Variants in SSC5D observed in about 807,000 individuals in gnomAD.
SSC5D encodes the protein scavenger receptor cysteine rich family member with 5 domains.
A neutral mutation model predicts 104.6 loss-of-function variants in SSC5D; 106 were observed. That is an observed-to-expected ratio of 1.01 (90% CI 0.87 to 1.19). SSC5D has a LOEUF of 1.19. SSC5D is among the 50% of genes most tolerant of loss of function. The probability of loss-of-function intolerance (pLI) is 0.00; values close to 1 mark genes in which losing one functional copy is unlikely to be tolerated. For synonymous variants in SSC5D, 860 were observed against 883.5 expected (o/e 0.97, Z 0.47); for missense variants, 1,993 against 2,153.8 (o/e 0.93, Z 1.48).
At chr19:55,490,431 C>T (rs1440228840) in intron 5 of SSC5D, 23 bp downstream of exon 5, 13 of 606,878 alleles carry the variant, frequency 2.1e-5, no homozygotes, top group East Asian at 3.3e-5. Flanking sequence ...CAGGCTCCCC[C>T]GACCCCAAGG....
At chr19:55,493,994 G>GGGCCCC in intron 7 of SSC5D, 82 bp downstream of exon 7, 1 of 143,310 alleles carries the variant, frequency 7.0e-6, no homozygotes, top group African/African-American at 3.3e-5. Flanking sequence ...GGGCGGGGGG[G>GGGCCCC]TCCCTACGCG....
At chr19:55,510,001 T>C (rs114798142) in intron 12 of SSC5D, among the ~76,000 whole-genome samples, 452 of 152,152 alleles carry the variant, frequency 3.0e-3, no homozygotes, top group African/African-American at 0.011. Flanking sequence ...TGTGTTCTTT[T>C]TTTTTTGTTT....
intron 13 of SSC5D, among the ~76,000 whole-genome samples, chr19:55,514,985 T>G (rs1329390695): frequency 6.6e-6 from 1 of 152,176 alleles, no homozygotes; most frequent in Non-Finnish European, 1.5e-5. Flanking sequence ...ACAAGCCCTT[T>G]ACTTAACCGC....
intron 12 of SSC5D, among the ~76,000 whole-genome samples, chr19:55,507,665 C>CAAAAAAAAAAAAAA (rs61340967): frequency 1.3e-5 from 1 of 75,944 alleles, no homozygotes; most frequent in Non-Finnish European, 2.2e-5. Flanking sequence ...GACTCCGTCT[C>CAAAAAAAAAAAAAA]AAAAAAAAAA....
intron 4 of SSC5D, 108 bp downstream of exon 4, chr19:55,490,103 C>CG (rs1457861450): frequency 4.5e-6 from 2 of 443,784 alleles, no homozygotes; most frequent in African/African-American, 2.7e-5. Context: ...CCCTCCTGCC[C>CG]CCACCGAGGG....
intron 12 of SSC5D, chr19:55,504,085 C>A: frequency 6.5e-7 from 1 of 1,530,790 alleles, no homozygotes; most frequent in African/African-American, 1.4e-5. Flanking sequence ...TGGGCTCCAG[C>A]TGTGAGTTAG....
chr19:55,499,207 C>G (rs1352001540), intron 9 of SSC5D, among the ~76,000 whole-genome samples: 1 of 152,242 alleles, frequency 6.6e-6, no homozygotes, highest in African/African-American at 2.4e-5. Context: ...TCGAAGTCAT[C>G]TCCCAGGAGC....
rs182029183 is a variant in SSC5D at position 55,499,545 on chromosome 19, A to G, written c.1706-271A>G. On this transcript the variant is annotated intron_variant, in intron 9 of 13. Coordinates refer to ENST00000389623, the MANE Select transcript of SSC5D (RefSeq NM_001144950.2). ...GCTGAGGAGATGGAGAGGAGAGGTC[A>G]GGTGTGAAAGGGTGAGGGGGTCAGT... Among the ~76,000 whole-genome samples, 108 of 152,312 alleles carry G rather than the reference A, an allele frequency of 7.1e-4. 1 individual carries two copies. The highest frequency in any genetic ancestry group is 7.7e-4 in the East Asian group (4 of 5,184).
At chr19:55,505,832 G>A (rs1425341875) in intron 12 of SSC5D, among the ~76,000 whole-genome samples, 1 of 151,782 alleles carries the variant, frequency 6.6e-6, no homozygotes, top group African/African-American at 2.4e-5. Flanking sequence ...TGCTGCCCAG[G>A]TTCAAGCAAT....
rs1339474609 is a variant in SSC5D, at chr19:55,492,733, A to C, written c.896-862A>C. Reference sequence around the variant, plus strand: ...GATGAGTCAACTCTTACCCCAACAGAAATGTACCCGAAGAGCCAGGCATGG... The same window carrying C: ...GATGAGTCAACTCTTACCCCAACAGCAATGTACCCGAAGAGCCAGGCATGG... On this transcript the variant is annotated intron_variant, in intron 6 of 13. Coordinates refer to ENST00000389623, the MANE Select transcript of SSC5D (RefSeq NM_001144950.2). 3 of 152,314 alleles carry C rather than the reference A, an allele frequency of 2.0e-5. No homozygotes were observed. In the East Asian group the frequency reaches 5.8e-4, roughly 29 times the overall value. 9.4% of individuals were successfully genotyped at this position (152,314 alleles called of 1,614,324 possible).
chr19:55,518,553 A>G lies in SSC5D; in HGVS notation c.4277A>G (p.His1426Arg). The stretch of plus-strand genomic sequence containing the variant: ...CCCAACCTAACCCCTCCACCCACCC[A>G]TACCCCACACTCAGCCTCTGACCTT... ...QSPNLTPPPT[H>R]TPHSASDLTV... The change falls in exon 14 of 14, where the codon CAT becomes CGT. Residue 1426 changes from histidine to arginine, a missense_variant. Physicochemically the swap from His to Arg is conservative, Grantham distance 29. This residue lies in a region of SSC5D where 349 missense variants were observed against 397.6 expected (regional missense o/e 0.88). Transcript: ENST00000389623. 6.5e-7 allele frequency: 1 copy of G among 1,541,636 alleles called. No homozygotes were observed. Among genetic ancestry groups the G allele is most frequent in the South Asian group, 1.2e-5 (1 of 83,372 alleles).
chr19:55,489,959 C>T lies in SSC5D; in HGVS notation c.439C>T (p.Leu147=). 2 of 1,549,886 alleles carry T rather than the reference C, an allele frequency of 1.3e-6. No homozygotes were observed. ...GAPWPGLLLE[L]SPSTEEPLVT... ...TCCCTGGCCAGGGCTGTTGCTGGAGCTGAGCCCCAGCACGGAGGAGCCCCT... is the reference window on the plus strand; with the variant it reads ...TCCCTGGCCAGGGCTGTTGCTGGAGTTGAGCCCCAGCACGGAGGAGCCCCT... Residue 147 remains leucine (L), a synonymous_variant, in exon 4 of 14, where the codon CTG becomes TTG. Coordinates refer to ENST00000389623, the MANE Select transcript of SSC5D (RefSeq NM_001144950.2).
chr19:55,495,861 G>A (rs537079120), intron 8 of SSC5D, among the ~76,000 whole-genome samples: 5 of 150,512 alleles, frequency 3.3e-5, no homozygotes, highest in Non-Finnish European at 7.4e-5. Flanking sequence ...TCCCACCTCC[G>A]CCTCCTGGGT....
Position 55,500,953 on chromosome 19 carries a change from T to C in SSC5D, c.2618-81T>C, listed in dbSNP as rs1987483470. 6.5e-7 allele frequency: 1 copy of C among 1,536,754 alleles called. No homozygotes were observed. Among genetic ancestry groups the C allele is most frequent in the Admixed American group, 2.0e-5 (1 of 49,940 alleles). ...GAGATCCCAGAGTTGCTCCAGAAGA[T>C]TCCAAAAGGGGAGGGAAGAGCAGCA... is the stretch of plus-strand genomic sequence containing the variant. On this transcript the variant is annotated intron_variant, in intron 11 of 13. Transcript: ENST00000389623. The surrounding 1 kb of genome is among the most constrained non-coding windows in gnomAD (Gnocchi z 4.6).
Position 55,518,896 on chromosome 19 carries a change from G to A in SSC5D, c.4620G>A (p.Glu1540=), listed in dbSNP as rs1015145307. ...CCCGGGGTCTGGGGCAGCTGGGTGA[G>A]GCTGTGAAGAGACTGGCAGAGATGG... ...EAARGLGQLG[E]AVKRLAEMAW... The change falls in exon 14 of 14, where the codon GAG becomes GAA. Residue 1540 remains glutamate, a synonymous_variant. Coordinates refer to ENST00000389623, the MANE Select transcript of SSC5D (RefSeq NM_001144950.2). 2 of 1,550,274 alleles carry A rather than the reference G, an allele frequency of 1.3e-6. No homozygotes were observed. The highest frequency in any genetic ancestry group is 2.7e-5 in the African/African-American group (2 of 73,028).
intron 12 of SSC5D, among the ~76,000 whole-genome samples, chr19:55,511,071 A>G (rs542203984): frequency 1.3e-5 from 2 of 152,258 alleles, no homozygotes; most frequent in African/African-American, 4.8e-5. Flanking sequence ...GAGCCACCAC[A>G]CCCGGCCATT....
At chr19:55,490,532 C>A in intron 5 of SSC5D, 124 bp downstream of exon 5, 1 of 609,322 alleles carries the variant, frequency 1.6e-6, no homozygotes, top group South Asian at 2.1e-5. Flanking sequence ...CCAGTGTTCC[C>A]CGCGTCCCTC....
In SSC5D at chr19:55,499,913, C is replaced by T. The variant is rs1467029172; in HGVS notation, c.1803C>T (p.Ala601=). 2 of 1,551,678 alleles carry T rather than the reference C, an allele frequency of 1.3e-6. No homozygotes were observed. The highest frequency in any genetic ancestry group is 1.7e-6 in the Non-Finnish European group (2 of 1,147,030). ...DRDAWLPGEL[A]TKPSASVTAS... is the part of the protein sequence containing the mutation. ...ATGCCTGGCTCCCGGGAGAGCTGGC[C>T]ACCAAGCCCTCTGCAAGTGTGACTG... The change falls in exon 10 of 14, where the codon GCC becomes GCT. Residue 601 remains alanine (A), a synonymous_variant. Coordinates refer to ENST00000389623, the MANE Select transcript of SSC5D (RefSeq NM_001144950.2).
Position 55,498,195 on chromosome 19 carries a change from C to T in SSC5D, c.1703C>T (p.Thr568Ile), listed in dbSNP as rs1026666292. The T allele has an allele frequency of 1.9e-6, 3 of 1,551,602 alleles. No individual in the cohort carries two copies. In the African/African-American group the frequency reaches 4.1e-5, roughly 21 times the overall value. The part of the protein sequence containing the change: ...AHNEDVGVTC[T>I]GPPGLDSISD... The stretch of plus-strand genomic sequence containing the variant: ...AATGAGGATGTTGGGGTCACCTGCA[C>T]TGGTAAGGAGGCCCTAGCTATCTGT... The change falls in exon 9 of 14, where the codon ACT (threonine) becomes ATT (isoleucine). Residue 568 changes from threonine (T) to isoleucine (I), a missense_variant and splice_region_variant. Physicochemically the swap from Thr to Ile is moderately conservative, Grantham distance 89 (BLOSUM62 -1). Coordinates refer to ENST00000389623, the MANE Select transcript of SSC5D (RefSeq NM_001144950.2).
Sources: allele counts gnomAD v4.1 joint callset (sites outside exome capture counted in the v4.1 genomes callset), GRCh38; gene constraint gnomAD v4.1.1; regional missense constraint gnomAD v4.1.1; non-coding constraint Gnocchi (gnomAD v3.1); transcripts MANE v1.5; gene names NCBI Gene and HGNC (gene_info 2026-07-23, HGNC 2026-07-21).